Variants in OLFML2B observed in about 807,000 individuals in gnomAD.
OLFML2B encodes olfactomedin-like protein 2B.
Under a neutral mutation model 74.9 loss-of-function variants are expected in OLFML2B, and 57 were observed. The ratio of observed to expected loss-of-function variants is 0.76; its 90% CI spans 0.61 to 0.95. The LOEUF (loss-of-function observed/expected upper bound fraction) is 0.95. OLFML2B is among the 40% of genes least tolerant of loss of function. OLFML2B has a pLI of 0.00. For missense variants in OLFML2B, 986 were observed against 970.6 expected, an observed-to-expected ratio of 1.02 and a Z score of -0.21; for synonymous variants, 388 against 405.8, an observed-to-expected ratio of 0.96 and a Z score of 0.53.
chr1:161,992,895 G>GAGCA (rs1689781590), intron 6 of OLFML2B, among the ~76,000 whole-genome samples: 1 of 152,226 alleles, frequency 6.6e-6, no homozygotes, highest in Non-Finnish European at 1.5e-5. Flanking sequence ...GACACAAAGT[G>GAGCA]AGCACATAGG....
chr1:161,994,472 T>G (rs1372147886), intron 6 of OLFML2B, among the ~76,000 whole-genome samples: 1 of 152,008 alleles, frequency 6.6e-6, no homozygotes, highest in Non-Finnish European at 1.5e-5. Context: ...ACTGTCCTCT[T>G]TGTCTGCTCC....
At chr1:162,011,518 G>A (rs189357576) in intron 3 of OLFML2B, among the ~76,000 whole-genome samples, 8 of 152,328 alleles carry the variant, frequency 5.3e-5, no homozygotes, top group Admixed American at 3.9e-4. Flanking sequence ...GGAAACAGCC[G>A]GTGCTCCTGA....
chr1:162,023,389 A>T lies in OLFML2B; in HGVS notation c.42T>A (p.Ile14=). ...TGCTGGACACCCAGGCCGGAACCAC[A>T]ATCAGAGCGAAGTAGAGAACTAGCA... ...PRLLVLYFAL[I]VVPAWVSSIV... is the part of the protein sequence containing the mutation. Residue 14 remains isoleucine (I), a synonymous_variant, in exon 1 of 8, where the codon ATT becomes ATA. Transcript: ENST00000294794. 1 of 1,599,664 alleles carries T rather than the reference A, an allele frequency of 6.3e-7. No individual in the cohort carries two copies. The highest frequency in any genetic ancestry group is 8.5e-7 in the Non-Finnish European group (1 of 1,171,514).
Position 162,013,890 on chromosome 1 carries a change from CAACACACACACA to C in OLFML2B, c.546+3498_546+3509del, listed in dbSNP as rs751256255. On this transcript the variant is annotated intron_variant, in intron 3 of 7. Transcript: ENST00000294794. Reference sequence around the variant, plus strand: ...AATATAAAGTTGAGTGAAAAAAGCCCAACACACACACACACACACACACACACACACACACAC... The same window carrying C: ...AATATAAAGTTGAGTGAAAAAAGCCCCACACACACACACACACACACACAC... Among the ~76,000 whole-genome samples, 44 of 81,960 alleles carry C rather than the reference CAACACACACACA, an allele frequency of 5.4e-4. No individual in the cohort carries two copies. The South Asian group carries it at 0.018, about 34-fold the overall frequency. The allele number at this position is 81,960 out of a possible 152,430, so 53.8% of individuals were successfully genotyped here.
chr1:162,018,103 A>G (rs1227449603), intron 2 of OLFML2B, among the ~76,000 whole-genome samples: 12 of 152,160 alleles, frequency 7.9e-5, no homozygotes, highest in Non-Finnish European at 2.9e-5. Flanking sequence ...GACACAAAGA[A>G]GGGAATAACA....
intron 4 of OLFML2B, among the ~76,000 whole-genome samples, chr1:162,000,709 G>A (rs891766796): frequency 1.3e-5 from 2 of 152,102 alleles, no homozygotes; most frequent in Non-Finnish European, 2.9e-5. Flanking sequence ...TCCTCCTCTT[G>A]GATCTGGCCT....
intron 4 of OLFML2B, among the ~76,000 whole-genome samples, chr1:162,001,289 A>T (rs1690073171): frequency 1.3e-5 from 2 of 152,140 alleles, no homozygotes; most frequent in Non-Finnish European, 2.9e-5. Context: ...ACTAATGAAG[A>T]CCTGGTTTTA....
At chr1:161,988,430 C>T (rs74779882) in intron 6 of OLFML2B, among the ~76,000 whole-genome samples, 7,842 of 152,232 alleles carry the variant, frequency 0.052, 236 homozygotes, top group East Asian at 0.085. Context: ...CAACTAACCT[C>T]GTCAGCAATG....
At chr1:161,989,984 G>T (rs1274762613) in intron 6 of OLFML2B, among the ~76,000 whole-genome samples, 1 of 152,202 alleles carries the variant, frequency 6.6e-6, no homozygotes, top group Non-Finnish European at 1.5e-5. Context: ...ATTCTTTCTT[G>T]TGTTACTTCC....
chr1:161,985,127 C>A, intron 6 of OLFML2B, 147 bp from the exon 7 acceptor site: 1 of 708,828 alleles, frequency 1.4e-6, no homozygotes, highest in Middle Eastern at 4.1e-4. Flanking sequence ...TTTTCCACAC[C>A]ATCTCCTGCT....
intron 3 of OLFML2B, 86 bp downstream of exon 3, chr1:162,017,314 G>A (rs1690567530): frequency 1.0e-6 from 1 of 953,826 alleles, no homozygotes; most frequent in Admixed American, 1.9e-5. Flanking sequence ...GTCAGCACAT[G>A]TGCTAGCTGA....
At chr1:162,006,783 T>C (rs990571035) in intron 3 of OLFML2B, among the ~76,000 whole-genome samples, 5 of 152,212 alleles carry the variant, frequency 3.3e-5, no homozygotes, top group Non-Finnish European at 7.3e-5. Context: ...TCTTTTTCTG[T>C]CCTTTGTATA....
At chr1:161,990,220 CA>C (rs1689697490) in intron 6 of OLFML2B, among the ~76,000 whole-genome samples, 1 of 152,160 alleles carries the variant, frequency 6.6e-6, no homozygotes, top group South Asian at 2.1e-4. Flanking sequence ...GAAGGAGTTA[CA>C]AAATATGAAA....
intron 3 of OLFML2B, among the ~76,000 whole-genome samples, chr1:162,008,724 G>C (rs1690298465): frequency 6.6e-6 from 1 of 152,182 alleles, no homozygotes; most frequent in South Asian, 2.1e-4. Flanking sequence ...ATCAGTATCT[G>C]TATTTTAACA....
At position 161,983,603 on chromosome 1, in the gene OLFML2B, C is replaced by T; in HGVS notation, c.*72G>A. 1 of 1,485,730 alleles carries T rather than the reference C, an allele frequency of 6.7e-7. No individual in the cohort carries two copies. The highest frequency in any genetic ancestry group is 9.1e-7 in the Non-Finnish European group (1 of 1,094,606). The allele number at this position is 1,485,730 out of a possible 1,614,324, so 92.0% of individuals were successfully genotyped here. On this transcript the variant is annotated 3_prime_UTR_variant, in exon 8 of 8. Transcript: ENST00000294794. ...TAAACAACACATACCCACCTACACA[C>T]ACGTGCGCGCACACACATACACACA...
intron 6 of OLFML2B, among the ~76,000 whole-genome samples, chr1:161,990,910 C>T (rs560908752): frequency 5.3e-5 from 8 of 152,286 alleles, no homozygotes; most frequent in Admixed American, 5.2e-4. Flanking sequence ...CTGTCTTCAC[C>T]AGGAGTAGGT....
chr1:161,986,188 C>A (rs777749914), intron 6 of OLFML2B, among the ~76,000 whole-genome samples: 1 of 152,126 alleles, frequency 6.6e-6, no homozygotes, highest in East Asian at 1.9e-4. Flanking sequence ...GCCATCATGA[C>A]GACACTGATG....
intron 6 of OLFML2B, among the ~76,000 whole-genome samples, chr1:161,986,297 T>G (rs1187020151): frequency 6.6e-6 from 1 of 152,214 alleles, no homozygotes; most frequent in Non-Finnish European, 1.5e-5. Context: ...TAGGTCACCC[T>G]CATTTCCAAA....
At chr1:162,011,591 G>A (rs780717845) in intron 3 of OLFML2B, among the ~76,000 whole-genome samples, 8 of 152,210 alleles carry the variant, frequency 5.3e-5, no homozygotes, top group Non-Finnish European at 7.3e-5. Context: ...AGACAGGCAG[G>A]CCTGGGTTCA....
Sources: allele counts gnomAD v4.1 joint callset (sites outside exome capture counted in the v4.1 genomes callset), GRCh38; gene constraint gnomAD v4.1.1; transcripts MANE v1.5; gene names NCBI Gene and HGNC (gene_info 2026-07-23, HGNC 2026-07-21).